PLXNA4: variants seen among roughly 807,000 people sequenced by gnomAD.
The protein encoded by PLXNA4 is plexin-A4.
A neutral mutation model predicts 191.8 loss-of-function variants in PLXNA4; 44 were observed. That is an observed-to-expected ratio of 0.23 (90% confidence interval 0.18 to 0.29). The LOEUF is 0.29. Among genes scored for constraint, PLXNA4 ranks in the 10% least tolerant of loss-of-function variants. The pLI, the probability that PLXNA4 is intolerant of heterozygous loss-of-function variation, is 1.00. For missense variants in PLXNA4, 1,800 were observed against 2,488.8 expected, an observed-to-expected ratio of 0.72 and a Z score of 5.89; for synonymous variants, 1,082 against 1,009.5, an observed-to-expected ratio of 1.07 and a Z score of -1.36.
At chr7:132,219,135 C>T (rs1798061705) in intron 9 of PLXNA4, among the ~76,000 whole-genome samples, 2 of 152,220 alleles carry the variant, frequency 1.3e-5, no homozygotes, top group Admixed American at 1.3e-4. Flanking sequence ...TCTGCATCCC[C>T]TCACTCAAAG....
At chr7:132,621,246 GT>G (rs373540061) in intron 2 of PLXNA4, among the ~76,000 whole-genome samples, 17 of 127,610 alleles carry the variant, frequency 1.3e-4, no homozygotes, top group East Asian at 9.3e-4. Flanking sequence ...GTTTTTTTTT[GT>G]TTTTTTTTTT....
intron 4 of PLXNA4, among the ~76,000 whole-genome samples, chr7:132,261,503 C>T (rs142505375): frequency 8.1e-4 from 124 of 152,338 alleles, no homozygotes; most frequent in African/African-American, 2.9e-3. Context: ...TTAGTGTCTG[C>T]TGCTGCCAGT....
chr7:132,475,494 G>A (rs1797089185), intron 3 of PLXNA4, among the ~76,000 whole-genome samples: 1 of 152,142 alleles, frequency 6.6e-6, no homozygotes, highest in Non-Finnish European at 1.5e-5. Context: ...GAACCGCTCT[G>A]TCACTGCATC....
chr7:132,553,252 G>T (rs6467443), intron 1 of PLXNA4, among the ~76,000 whole-genome samples: 27,652 of 152,218 alleles, frequency 0.18, 2,740 homozygotes, highest in Non-Finnish European at 0.22. Context: ...ATGACAGGGA[G>T]GACACACATA....
intron 1 of PLXNA4, among the ~76,000 whole-genome samples, chr7:132,561,728 TTC>T (rs2116646739): frequency 1.7e-5 from 1 of 59,258 alleles, no homozygotes; most frequent in Admixed American, 1.6e-4. Context: ...TCTCCTCCTC[TTC>T]CTCCTCCTCC....
chr7:132,204,432 G>T (rs756309409), intron 10 of PLXNA4, among the ~76,000 whole-genome samples: 2 of 152,246 alleles, frequency 1.3e-5, no homozygotes, highest in Non-Finnish European at 2.9e-5. Context: ...CAAGGGGCAG[G>T]ATGGAAGAAT....
At chr7:132,621,696 T>C (rs753287364) in intron 2 of PLXNA4, among the ~76,000 whole-genome samples, 25 of 152,326 alleles carry the variant, frequency 1.6e-4, no homozygotes, top group Non-Finnish European at 2.9e-4. Flanking sequence ...AAAATTGCCA[T>C]AAATACTGAT....
intron 29 of PLXNA4, among the ~76,000 whole-genome samples, chr7:132,142,639 G>A (rs1017144961): frequency 3.9e-5 from 6 of 152,138 alleles, no homozygotes; most frequent in South Asian, 4.1e-4. Context: ...AATGTTTGGC[G>A]GTGTTTGCTT....
chr7:132,362,390 A>C (rs920445472), intron 3 of PLXNA4, among the ~76,000 whole-genome samples: 1 of 152,216 alleles, frequency 6.6e-6, no homozygotes, highest in Non-Finnish European at 1.5e-5. Flanking sequence ...TTGCTCTCCA[A>C]AGAGGAACAC....
At chr7:132,247,025 G>A (rs73157211) in intron 4 of PLXNA4, among the ~76,000 whole-genome samples, 5,227 of 152,222 alleles carry the variant, frequency 0.034, 129 homozygotes, top group Non-Finnish European at 0.053. Context: ...GGTCCTCCAT[G>A]GCAGCTGGAG....
At chr7:132,186,552 G>A (rs1289815493) in intron 15 of PLXNA4, among the ~76,000 whole-genome samples, 4 of 152,168 alleles carry the variant, frequency 2.6e-5, no homozygotes, top group Non-Finnish European at 4.4e-5. Flanking sequence ...CAAAGAGCAC[G>A]TCCACTTTGT....
At chr7:132,239,023 A>C (rs1352348093) in intron 5 of PLXNA4, among the ~76,000 whole-genome samples, 3 of 152,314 alleles carry the variant, frequency 2.0e-5, no homozygotes, top group Middle Eastern at 3.4e-3. Flanking sequence ...AGGAGTCTGC[A>C]CTTGGGGGCA....
intron 3 of PLXNA4, among the ~76,000 whole-genome samples, chr7:132,471,869 C>T (rs1796948239): frequency 6.6e-6 from 1 of 152,188 alleles, no homozygotes; most frequent in African/African-American, 2.4e-5. Flanking sequence ...GCCTTTCTTA[C>T]TGGAACCAGG....
At chr7:132,474,130 T>C (rs73442723) in intron 3 of PLXNA4, among the ~76,000 whole-genome samples, 1 of 149,888 alleles carries the variant, frequency 6.7e-6, no homozygotes, top group Non-Finnish European at 1.5e-5. Context: ...AGAGCCCAAA[T>C]GCAAAGGCAG....
chr7:132,179,363 C>A (rs1426892632), intron 20 of PLXNA4, among the ~76,000 whole-genome samples: 1 of 145,980 alleles, frequency 6.9e-6, no homozygotes, highest in South Asian at 2.2e-4. Context: ...CACTGCTGCC[C>A]GGCCTGCTTG....
intron 30 of PLXNA4, among the ~76,000 whole-genome samples, chr7:132,139,287 C>G (rs1042937329): frequency 1.3e-5 from 2 of 152,214 alleles, no homozygotes; most frequent in Non-Finnish European, 2.9e-5. Context: ...GGCCAGGACT[C>G]TACTCCCTCT....
chr7:132,222,595 C>T (rs914869768), intron 9 of PLXNA4, among the ~76,000 whole-genome samples: 16 of 152,206 alleles, frequency 1.1e-4, no homozygotes, highest in Middle Eastern at 3.4e-3. Context: ...GAAAGATACA[C>T]GCAAGACTAG....
At position 132,307,540 on chromosome 7, in the gene PLXNA4, TC is replaced by T. The variant is rs747138007; in HGVS notation, c.1372-9319del. 6.5e-4 allele frequency among the ~76,000 whole-genome samples: 99 copies of T among 152,156 alleles called. No homozygotes were observed. The Middle Eastern group carries it at 0.034, about 52-fold the overall frequency. ...TTTCTTCATCCTCATGGTGTAGATC[TC>T]CCCTATTTTACAGTGAGGGAACCAG... On this transcript the variant is annotated intron_variant, in intron 3 of 31. Transcript: ENST00000321063.
intron 3 of PLXNA4, among the ~76,000 whole-genome samples, chr7:132,414,277 G>T (rs1794574369): frequency 6.6e-6 from 1 of 152,188 alleles, no homozygotes; most frequent in Non-Finnish European, 1.5e-5. Flanking sequence ...TGCCTTCCAG[G>T]TCCTGGTTCT....
Sources: gnomAD v4.1 joint callset for allele counts (sites outside exome capture counted in the v4.1 genomes callset) on GRCh38, gnomAD v4.1.1 for gene constraint, MANE v1.5 for transcripts, NCBI Gene and HGNC (gene_info 2026-07-23, HGNC 2026-07-21) for gene names.